CHD9NB: variants seen among roughly 807,000 people sequenced by gnomAD.
The protein encoded by CHD9NB is CHD9 neighbor.
the CHD9NB span, among the ~76,000 whole-genome samples, chr16:53,038,959 C>G: frequency 6.6e-6 from 1 of 152,178 alleles, no homozygotes; most frequent in African/African-American, 2.4e-5. Flanking sequence ...ATGGGCACCT[C>G]AAACTCAACA....
At chr16:53,043,791 G>T in the CHD9NB span, 2 of 381,492 alleles carry the variant, frequency 5.2e-6, no homozygotes, top group African/African-American at 2.1e-5. Context: ...TGGGAGAGCT[G>T]GGGAAATAGG....
the CHD9NB span, among the ~76,000 whole-genome samples, chr16:53,046,951 TCTG>T: frequency 1.3e-5 from 2 of 152,252 alleles, 1 homozygote; most frequent in Admixed American, 1.3e-4. Flanking sequence ...ATTTGCCAGA[TCTG>T]CTAGCTGGCT....
the CHD9NB span, among the ~76,000 whole-genome samples, chr16:53,041,937 G>A: frequency 6.6e-6 from 1 of 152,176 alleles, no homozygotes; most frequent in Non-Finnish European, 1.5e-5. Context: ...AGGGCTTTGG[G>A]CCAGCTGACA....
the CHD9NB span, among the ~76,000 whole-genome samples, chr16:53,052,546 GC>G: frequency 6.6e-6 from 1 of 152,182 alleles, no homozygotes. Flanking sequence ...TGAGAAAAAT[GC>G]CAGGAGAACT....
the CHD9NB span, among the ~76,000 whole-genome samples, chr16:53,042,153 G>A: frequency 7.6e-4 from 116 of 151,730 alleles, 1 homozygote; most frequent in African/African-American, 2.6e-3. Flanking sequence ...TTACTGCTTC[G>A]CCCTCCCTTT....
chr16:53,038,168 C>T, the CHD9NB span, among the ~76,000 whole-genome samples: 1 of 152,146 alleles, frequency 6.6e-6, no homozygotes, highest in Admixed American at 6.5e-5. Flanking sequence ...GAATTCTCTA[C>T]CTTGTTGCTG....
the CHD9NB span, among the ~76,000 whole-genome samples, chr16:53,039,942 A>G: frequency 0.53 from 80,096 of 151,882 alleles, 21,416 homozygotes; most frequent in East Asian, 0.65. Flanking sequence ...TACTAAAAAA[A>G]CAGGATACTA....
the CHD9NB span, among the ~76,000 whole-genome samples, chr16:53,048,606 C>T: frequency 6.6e-6 from 1 of 152,182 alleles, no homozygotes; most frequent in Non-Finnish European, 1.5e-5. Context: ...AAAGCGCTTG[C>T]CACTCATTTA....
At chr16:53,036,017 G>A in the CHD9NB span, 1 of 150,998 alleles carries the variant, frequency 6.6e-6, no homozygotes, top group East Asian at 1.9e-4. Flanking sequence ...CTCTAATCCA[G>A]CATGACCACA....
chr16:53,038,781 C>G, the CHD9NB span, among the ~76,000 whole-genome samples: 3 of 152,066 alleles, frequency 2.0e-5, no homozygotes, highest in African/African-American at 7.2e-5. Context: ...AGCCAAGGAG[C>G]AAGTTGGGAT....
At chr16:53,045,247 C>G in the CHD9NB span, among the ~76,000 whole-genome samples, 1 of 152,162 alleles carries the variant, frequency 6.6e-6, no homozygotes, top group Non-Finnish European at 1.5e-5. Flanking sequence ...CAGGTATAAG[C>G]CATCCTGTCT....
the CHD9NB span, among the ~76,000 whole-genome samples, chr16:53,046,513 C>CA: frequency 3.2e-3 from 456 of 144,192 alleles, 2 homozygotes; most frequent in African/African-American, 8.3e-3. Context: ...CCATCTCTAC[C>CA]AAAAAAAAAA....
the CHD9NB span, among the ~76,000 whole-genome samples, chr16:53,051,632 G>C: frequency 2.0e-5 from 3 of 146,442 alleles, no homozygotes; most frequent in Non-Finnish European, 3.0e-5. Flanking sequence ...GGTAGGGGGA[G>C]GGGGGAGGGA....
the CHD9NB span, among the ~76,000 whole-genome samples, chr16:53,040,217 G>A: frequency 2.4e-3 from 370 of 151,954 alleles, 2 homozygotes; most frequent in Non-Finnish European, 1.9e-3. Context: ...TTACAGGCAC[G>A]CACCACCACA....
At chr16:53,039,972 C>T in the CHD9NB span, among the ~76,000 whole-genome samples, 1 of 152,116 alleles carries the variant, frequency 6.6e-6, no homozygotes, top group African/African-American at 2.4e-5. Flanking sequence ...AAGCCACTGA[C>T]GTCCTAGCAT....
the CHD9NB span, among the ~76,000 whole-genome samples, chr16:53,050,803 C>T: frequency 3.3e-5 from 5 of 152,098 alleles, no homozygotes; most frequent in African/African-American, 9.7e-5. Flanking sequence ...TTCTCTACGC[C>T]TTCTGCTGGG....
At chr16:53,047,517 T>C in the CHD9NB span, among the ~76,000 whole-genome samples, 1 of 152,170 alleles carries the variant, frequency 6.6e-6, no homozygotes. Context: ...TCTCACTGTG[T>C]CCTCACATGG....
chr16:53,044,226 C>A, the CHD9NB span: 1 of 398,360 alleles, frequency 2.5e-6, no homozygotes, highest in South Asian at 1.3e-4. Context: ...TGCCTTCCTC[C>A]TTGGGGGCCA....
chr16:53,049,543 T>A, the CHD9NB span, among the ~76,000 whole-genome samples: 1 of 152,112 alleles, frequency 6.6e-6, no homozygotes, highest in East Asian at 1.9e-4. Flanking sequence ...CAAATTATAC[T>A]ATTTAGCAGC....
Sources: gnomAD v4.1 joint callset for allele counts (sites outside exome capture counted in the v4.1 genomes callset) on GRCh38, gnomAD v4.1.1 for gene constraint, MANE v1.5 for transcripts, NCBI Gene and HGNC (gene_info 2026-07-23, HGNC 2026-07-21) for gene names.